Variants in SCARA5 observed in about 807,000 individuals in gnomAD.
SCARA5 encodes scavenger receptor class A, member 5 (putative).
In SCARA5, 45 loss-of-function variants were observed where a neutral mutation model predicts 46.3. The ratio of observed to expected loss-of-function variants is 0.97; its 90% CI spans 0.76 to 1.24. The LOEUF (loss-of-function observed/expected upper bound fraction) is 1.24. SCARA5 is among the 50% of genes most tolerant of loss of function. The pLI, the probability that SCARA5 is intolerant of heterozygous loss-of-function variation, is 0.00. For missense variants in SCARA5, 680 were observed against 689.0 expected, an observed-to-expected ratio of 0.99 and a Z score of 0.15; for synonymous variants, 333 against 306.5, an observed-to-expected ratio of 1.09 and a Z score of -0.90.
chr8:27,959,808 G>A lies in SCARA5; in HGVS notation c.241+6606C>T, dbSNP rs1808266491. 2.0e-5 allele frequency among the ~76,000 whole-genome samples: 3 copies of A among 152,352 alleles called. No individual in the cohort carries two copies. The South Asian group carries it at 6.2e-4, about 32-fold the overall frequency. On this transcript the variant is annotated intron_variant, in intron 3 of 8. Coordinates refer to ENST00000354914, the MANE Select transcript of SCARA5 (RefSeq NM_173833.6). ...ACACCATGTCTGTCTGGGAAGTCGG[G>A]AGGGAGGTTGTAGGAGATGCCCACT...
chr8:27,879,625 C>A lies in SCARA5; in HGVS notation c.1295G>T (p.Arg432Leu). The A allele has an allele frequency of 2.5e-6, 4 of 1,611,908 alleles. No individual in the cohort carries two copies. Among genetic ancestry groups the A allele is most frequent in the Non-Finnish European group, 3.4e-6 (4 of 1,180,010 alleles). ...CTCCACACCGCGGAAGCCGAGCATG[C>A]GGCACACCACGTCTCCGTCCTTCTT... ...WDKKDGDVVC[R>L]MLGFRGVEEV... Residue 432 changes from arginine to leucine, a missense_variant, in exon 8 of 9, where the codon CGC (arginine) becomes CTC (leucine). Arg to Leu is a moderately radical substitution (Grantham distance 102). Transcript: ENST00000354914.
intron 2 of SCARA5, among the ~76,000 whole-genome samples, chr8:27,973,877 G>T (rs1390175324): frequency 1.3e-5 from 2 of 152,198 alleles, no homozygotes; most frequent in Non-Finnish European, 2.9e-5. Flanking sequence ...CGAAAATGGG[G>T]TTGTATCAAA....
Position 27,905,975 on chromosome 8 carries a change from C to T in SCARA5, c.1097-1141G>A, listed in dbSNP as rs189041471. On this transcript the variant is annotated intron_variant, in intron 6 of 8. Coordinates refer to ENST00000354914, the MANE Select transcript of SCARA5 (RefSeq NM_173833.6). Reference sequence around the variant, plus strand: ...ATCTGCCTGCCTTGGCCTCCCAAAGCGCTAGGATTACAGGCATGAGCCACC... The same window carrying T: ...ATCTGCCTGCCTTGGCCTCCCAAAGTGCTAGGATTACAGGCATGAGCCACC... Among the ~76,000 whole-genome samples the T allele has an allele frequency of 6.9e-3, 1,043 of 152,198 alleles. 5 individuals carry two copies. Among genetic ancestry groups the T allele is most frequent in the Non-Finnish European group, 9.7e-3 (657 of 67,998 alleles).
At chr8:27,947,659 G>A (rs977287188) in intron 3 of SCARA5, among the ~76,000 whole-genome samples, 11 of 151,010 alleles carry the variant, frequency 7.3e-5, no homozygotes, top group Non-Finnish European at 1.2e-4. Context: ...AGCACTTTGG[G>A]AGGCCCAAGT....
chr8:27,963,160 T>C (rs990567296), intron 3 of SCARA5, among the ~76,000 whole-genome samples: 3 of 152,212 alleles, frequency 2.0e-5, no homozygotes, highest in African/African-American at 4.8e-5. Flanking sequence ...AGATGGTTCC[T>C]GATGACCACA....
chr8:27,989,978 C>G (rs988704866), intron 1 of SCARA5, among the ~76,000 whole-genome samples: 4 of 152,262 alleles, frequency 2.6e-5, no homozygotes, highest in African/African-American at 9.6e-5. Context: ...CTCCCTCTGC[C>G]AAAGGCAATA....
intron 5 of SCARA5, among the ~76,000 whole-genome samples, chr8:27,908,354 C>T (rs949102219): frequency 1.2e-4 from 18 of 146,248 alleles, no homozygotes; most frequent in South Asian, 1.1e-3. Flanking sequence ...ACGGTGCCGG[C>T]GCCATGCAGA....
At chr8:27,927,798 T>C (rs1361612324) in intron 3 of SCARA5, among the ~76,000 whole-genome samples, 1 of 152,228 alleles carries the variant, frequency 6.6e-6, no homozygotes, top group Admixed American at 6.5e-5. Context: ...CAAAAAAAGT[T>C]ATACTAATTT....
At chr8:27,962,700 C>T (rs1469195618) in intron 3 of SCARA5, among the ~76,000 whole-genome samples, 2 of 152,224 alleles carry the variant, frequency 1.3e-5, no homozygotes, top group African/African-American at 2.4e-5. Context: ...CAAGCCTTTC[C>T]CCAACCATTC....
In SCARA5 at chr8:27,937,972, C is replaced by G. The variant is rs74540449; in HGVS notation, c.242-15727G>C. On this transcript the variant is annotated intron_variant, in intron 3 of 8. Transcript: ENST00000354914. ...GCACGGGGTGGGGATAGGGCTTCCACGTGTGGATTTGGAGGAGACACAATT... is the reference window on the plus strand; with the variant it reads ...GCACGGGGTGGGGATAGGGCTTCCAGGTGTGGATTTGGAGGAGACACAATT... Among the ~76,000 whole-genome samples, 96 of 152,254 alleles carry G rather than the reference C, an allele frequency of 6.3e-4. 1 individual carries two copies. In the East Asian group the frequency reaches 0.018, roughly 29 times the overall value.
intron 1 of SCARA5, 150 bp from the exon 2 acceptor site, chr8:27,987,780 C>G: frequency 1.7e-6 from 1 of 601,306 alleles, no homozygotes. Context: ...TGCTCATCAC[C>G]AGGACCCAGG....
At chr8:27,900,656 G>A (rs962487511) in intron 7 of SCARA5, among the ~76,000 whole-genome samples, 3 of 151,866 alleles carry the variant, frequency 2.0e-5, no homozygotes, top group Non-Finnish European at 4.4e-5. Flanking sequence ...AATTCATGCT[G>A]TGGGACTTAA....
At chr8:27,923,707 C>T (rs913577172) in intron 3 of SCARA5, among the ~76,000 whole-genome samples, 1 of 152,192 alleles carries the variant, frequency 6.6e-6, no homozygotes, top group East Asian at 1.9e-4. Flanking sequence ...TCCCAAGTAG[C>T]TGGGACTACA....
chr8:27,898,553 C>T (rs991185037), intron 7 of SCARA5, among the ~76,000 whole-genome samples: 4 of 152,246 alleles, frequency 2.6e-5, no homozygotes, highest in African/African-American at 7.2e-5. Flanking sequence ...GCTCCTAGAA[C>T]TCTTGTAACT....
chr8:27,957,834 G>A (rs1373704121), intron 3 of SCARA5, among the ~76,000 whole-genome samples: 1 of 152,212 alleles, frequency 6.6e-6, no homozygotes, highest in East Asian at 1.9e-4. Context: ...AGGGAGGAAG[G>A]ATTAAAGGGC....
chr8:27,968,875 G>T (rs1322719831), intron 2 of SCARA5, among the ~76,000 whole-genome samples: 1 of 152,138 alleles, frequency 6.6e-6, no homozygotes, highest in Non-Finnish European at 1.5e-5. Flanking sequence ...TCTACCTGAG[G>T]CTTCTATTTA....
In SCARA5 at chr8:27,879,678, C is replaced by T; in HGVS notation, c.1242G>A (p.Trp414Ter). The T allele has an allele frequency of 1.2e-6, 2 of 1,613,224 alleles. No homozygotes were observed. The highest frequency in any genetic ancestry group is 1.3e-5 in the African/African-American group (1 of 75,056). The change falls in exon 8 of 9, where the codon TGG becomes TGA. Residue 414 changes from tryptophan to a stop codon, truncating the protein, a stop_gained. Coordinates refer to ENST00000354914, the MANE Select transcript of SCARA5 (RefSeq NM_173833.6). LOFTEE classifies it high-confidence loss of function. ...GRVEVYHDRR[W>*]GTVCDDGWDK... ...CCCAGCCGTCGTCACACACGGTGCCCCAACGCCGGTCGTGGTACACTTCCA... is the reference window on the plus strand; with the variant it reads ...CCCAGCCGTCGTCACACACGGTGCCTCAACGCCGGTCGTGGTACACTTCCA...
At chr8:27,922,614 A>G in intron 3 of SCARA5, among the ~76,000 whole-genome samples, 1 of 152,234 alleles carries the variant, frequency 6.6e-6, no homozygotes. Context: ...GTGGACCCCT[A>G]GGAAACTGCC....
intron 1 of SCARA5, among the ~76,000 whole-genome samples, chr8:27,990,279 T>C (rs904551401): frequency 3.3e-5 from 5 of 152,180 alleles, no homozygotes; most frequent in Admixed American, 2.6e-4. Context: ...CAGACAACTC[T>C]ACTCATGTTT....
Sources: gnomAD v4.1 joint callset for allele counts (sites outside exome capture counted in the v4.1 genomes callset) on GRCh38, gnomAD v4.1.1 for gene constraint, MANE v1.5 for transcripts, NCBI Gene and HGNC (gene_info 2026-07-23, HGNC 2026-07-21) for gene names.